LPP: variants seen among roughly 807,000 people sequenced by gnomAD.
LPP encodes LIM domain containing preferred translocation partner in lipoma.
A neutral mutation model predicts 60.4 loss-of-function variants in LPP; 38 were observed. The ratio of observed to expected loss-of-function variants is 0.63; its 90% CI spans 0.49 to 0.83. The LOEUF is 0.83. LPP is among the 40% of genes least tolerant of loss of function. The pLI is 0.00. For missense variants in LPP, 902 were observed against 783.6 expected (o/e 1.15, Z -1.80); for synonymous variants, 328 against 290.8 (o/e 1.13, Z -1.30).
chr3:188,269,645 ATGTGTGTGTGTG>A (rs368115626), intron 2 of LPP, among the ~76,000 whole-genome samples: 12 of 136,516 alleles, frequency 8.8e-5, no homozygotes, highest in African/African-American at 5.6e-5. Flanking sequence ...CTTTTTTTTT[ATGTGTGTGTGTG>A]TGTGTGTGTG....
At position 188,888,002 on chromosome 3, in the gene LPP, CTGAT is replaced by C. The variant is rs1398600130; in HGVS notation, c.*13525_*13528del. 4.7e-6 allele frequency: 1 copy of C among 211,458 alleles called. No homozygotes were observed. Among genetic ancestry groups the C allele is most frequent in the African/African-American group, 2.3e-5 (1 of 44,100 alleles). 13.1% of individuals were successfully genotyped at this position (211,458 alleles called of 1,614,324 possible). ...AGAATTAAACATGACACTTGATTGT[CTGAT>C]TATTTGGCATGTATAAAATTATCAT... On this transcript the variant is annotated 3_prime_UTR_variant, in exon 12 of 12. Coordinates refer to ENST00000617246, the MANE Select transcript of LPP (RefSeq NM_001375462.1).
intron 7 of LPP, among the ~76,000 whole-genome samples, chr3:188,621,086 A>G (rs1423290308): frequency 2.6e-5 from 4 of 152,128 alleles, no homozygotes; most frequent in Admixed American, 1.3e-4. Flanking sequence ...AAACCTGCAC[A>G]TTCTGCACGT....
chr3:188,420,962 T>C (rs978907951), intron 4 of LPP, among the ~76,000 whole-genome samples: 1 of 152,182 alleles, frequency 6.6e-6, no homozygotes, highest in Non-Finnish European at 1.5e-5. Flanking sequence ...TGTGCATGTG[T>C]AAGGCAGGGC....
Position 188,473,705 on chromosome 3 carries a change from G to C in LPP, c.194-10887G>C, listed in dbSNP as rs570495068. Among the ~76,000 whole-genome samples, 24 of 152,114 alleles carry C rather than the reference G, an allele frequency of 1.6e-4. 1 individual carries two copies. In the South Asian group the frequency reaches 1.9e-3, roughly 12 times the overall value. On this transcript the variant is annotated intron_variant, in intron 4 of 11. Transcript: ENST00000617246. ...ATCCTTCCCCTTCCCTCATTTCTCTGCTCTTTCTTCATCTCCATCTCTCTT... is the reference window on the plus strand; with the variant it reads ...ATCCTTCCCCTTCCCTCATTTCTCTCCTCTTTCTTCATCTCCATCTCTCTT...
intron 3 of LPP, among the ~76,000 whole-genome samples, chr3:188,389,079 T>C (rs1779048611): frequency 6.6e-6 from 1 of 152,162 alleles, no homozygotes; most frequent in African/African-American, 2.4e-5. Context: ...ATGGCTATTT[T>C]AATTTATATT....
intron 7 of LPP, among the ~76,000 whole-genome samples, chr3:188,706,963 A>G (rs1427844907): frequency 6.6e-6 from 1 of 152,176 alleles, no homozygotes; most frequent in Non-Finnish European, 1.5e-5. Context: ...GAAATGGTCA[A>G]ATTTATAGGC....
intron 9 of LPP, among the ~76,000 whole-genome samples, chr3:188,842,903 A>C (rs1760391705): frequency 6.6e-6 from 1 of 152,170 alleles, no homozygotes; most frequent in African/African-American, 2.4e-5. Flanking sequence ...TGCCACCCTC[A>C]GAGGCAATGA....
At position 188,501,175 on chromosome 3, in the gene LPP, T is replaced by A. The variant is rs60745010; in HGVS notation, c.306+16471T>A. 2.8e-3 allele frequency among the ~76,000 whole-genome samples: 421 copies of A among 152,318 alleles called. 6 individuals carry two copies. Among genetic ancestry groups the A allele is most frequent in the African/African-American group, 9.6e-3 (401 of 41,576 alleles). On this transcript the variant is annotated intron_variant, in intron 5 of 11. Transcript: ENST00000617246. ...GTTTGACGTCTTTCTTATCTTTAAA[T>A]TTAATGGTGTATAGCTATAAATTGC...
rs973080117 is a variant in LPP at position 188,877,927 on chromosome 3, T to G, written c.*3448T>G. The G allele has an allele frequency of 6.1e-5, 13 of 214,226 alleles. No individual in the cohort carries two copies. The allele number at this position is 214,226 out of a possible 1,614,324, so 13.3% of individuals were successfully genotyped here. A position where few individuals can be genotyped will look rare whatever the true frequency, so the allele number is the denominator to read the frequency against. ...ATTACTTTTCTGGGTATGTGCTGAT[T>G]AAGGGGGTGGACTTATCAACACTAT... is the stretch of plus-strand genomic sequence containing the variant. On this transcript the variant is annotated 3_prime_UTR_variant, in exon 12 of 12. Coordinates refer to ENST00000617246, the MANE Select transcript of LPP (RefSeq NM_001375462.1).
Position 188,816,031 on chromosome 3 carries a change from ATTGAGTAAAGTTTCTGGCCACT to A in LPP, c.1411-50166_1411-50145del, listed in dbSNP as rs372085600. Among the ~76,000 whole-genome samples the A allele has an allele frequency of 4.0e-3, 611 of 152,280 alleles. 4 individuals carry two copies. Among genetic ancestry groups the A allele is most frequent in the African/African-American group, 0.014 (593 of 41,568 alleles). ...GGTGACTTTAAAATTTTTCCTTTAC[ATTGAGTAAAGTTTCTGGCCACT>A]TTTGACCTTTTTTTTCAAATGACAT... is the stretch of plus-strand genomic sequence containing the variant. On this transcript the variant is annotated intron_variant, in intron 9 of 11. Transcript: ENST00000617246.
chr3:188,592,988 T>G (rs1839225948), intron 6 of LPP, among the ~76,000 whole-genome samples: 1 of 152,174 alleles, frequency 6.6e-6, no homozygotes, highest in Admixed American at 6.5e-5. Context: ...CCTCTTACAA[T>G]AATAAAAATT....
chr3:188,199,293 C>T (rs1473292848), intron 1 of LPP, among the ~76,000 whole-genome samples: 2 of 152,006 alleles, frequency 1.3e-5, no homozygotes, highest in East Asian at 1.9e-4. Flanking sequence ...CTTTATTGGT[C>T]GGAGTAGTCC....
chr3:188,363,630 A>G (rs1770188449), intron 3 of LPP, among the ~76,000 whole-genome samples: 1 of 152,008 alleles, frequency 6.6e-6, no homozygotes, highest in Non-Finnish European at 1.5e-5. Context: ...TCCTGGGCTG[A>G]GCGCAGTGGC....
intron 9 of LPP, among the ~76,000 whole-genome samples, chr3:188,858,829 C>CTT (rs1424183717): frequency 6.6e-6 from 1 of 152,088 alleles, no homozygotes; most frequent in Admixed American, 6.6e-5. Flanking sequence ...GTGGCTCATG[C>CTT]TTGTAATCCC....
chr3:188,161,126 G>A (rs541313982), intron 1 of LPP, among the ~76,000 whole-genome samples: 4 of 152,260 alleles, frequency 2.6e-5, no homozygotes, highest in African/African-American at 9.6e-5. Flanking sequence ...AAGAGCTGAT[G>A]GGCCAAGCTA....
chr3:188,814,045 C>G (rs1055302482), intron 9 of LPP, among the ~76,000 whole-genome samples: 4 of 152,074 alleles, frequency 2.6e-5, no homozygotes, highest in Non-Finnish European at 4.4e-5. Context: ...GCCCTCCAGC[C>G]TGGGCAACAA....
chr3:188,362,324 T>C (rs1769688425), intron 3 of LPP, among the ~76,000 whole-genome samples: 1 of 152,234 alleles, frequency 6.6e-6, no homozygotes, highest in African/African-American at 2.4e-5. Flanking sequence ...TCTATGCTAA[T>C]ATCCTGATCC....
At chr3:188,676,419 A>G (rs1488492486) in intron 7 of LPP, among the ~76,000 whole-genome samples, 1 of 152,224 alleles carries the variant, frequency 6.6e-6, no homozygotes, top group Non-Finnish European at 1.5e-5. Context: ...AGTTGAGAAC[A>G]CATTTGAACT....
At chr3:188,571,395 T>C (rs1580064786) in intron 6 of LPP, among the ~76,000 whole-genome samples, 1 of 151,974 alleles carries the variant, frequency 6.6e-6, no homozygotes, top group South Asian at 2.1e-4. Context: ...TAGGACTGTA[T>C]GCAAATGTTT....
Sources: allele counts gnomAD v4.1 joint callset (sites outside exome capture counted in the v4.1 genomes callset), GRCh38; gene constraint gnomAD v4.1.1; transcripts MANE v1.5; gene names NCBI Gene and HGNC (gene_info 2026-07-23, HGNC 2026-07-21).